The following SLC4A4 variants were observed in gnomAD, a reference collection of about 807,000 sequenced individuals.
SLC4A4 encodes the protein solute carrier family 4 member 4.
In SLC4A4, 27 loss-of-function variants were observed where a neutral mutation model predicts 111.5. That is an observed-to-expected ratio of 0.24 (90% CI 0.18 to 0.33). The LOEUF is 0.33. Among genes scored for constraint, SLC4A4 ranks in the 10% least tolerant of loss-of-function variants. The pLI is 1.00. For missense variants in SLC4A4, 909 were observed against 1,315.5 expected (o/e 0.69, Z 4.78); for synonymous variants, 443 against 463.4 (o/e 0.96, Z 0.57).
chr4:71,251,777 T>C (rs2149056518), intron 2 of SLC4A4, among the ~76,000 whole-genome samples: 1 of 152,326 alleles, frequency 6.6e-6, no homozygotes, highest in East Asian at 1.9e-4. Flanking sequence ...CTCTTAAAAT[T>C]TTTTCCACTC....
intron 3 of SLC4A4, among the ~76,000 whole-genome samples, chr4:71,288,886 AT>A (rs1205800269): frequency 6.6e-6 from 1 of 151,950 alleles, no homozygotes; most frequent in Non-Finnish European, 1.5e-5. Flanking sequence ...CCTAATTCTA[AT>A]TTTTTCTTTT....
intron 2 of SLC4A4, among the ~76,000 whole-genome samples, chr4:71,179,385 C>T (rs900338307): frequency 1.9e-4 from 29 of 152,094 alleles, no homozygotes; most frequent in African/African-American, 5.8e-4. Context: ...AAATAAAGGG[C>T]ATTCAATTAG....
At chr4:71,366,692 G>A (rs1056223677) in intron 6 of SLC4A4, among the ~76,000 whole-genome samples, 13 of 152,278 alleles carry the variant, frequency 8.5e-5, no homozygotes, top group Non-Finnish European at 1.5e-4. Flanking sequence ...GCATTGTGTA[G>A]ACAAGGCATA....
chr4:71,158,124 TG>T (rs1744525577), intron 2 of SLC4A4, among the ~76,000 whole-genome samples: 1 of 151,578 alleles, frequency 6.6e-6, no homozygotes, highest in Non-Finnish European at 1.5e-5. Context: ...TGTGTGTGTG[TG>T]TGTGTGTGTG....
chr4:71,421,353 A>G (rs1331057581), intron 7 of SLC4A4, among the ~76,000 whole-genome samples: 1 of 152,196 alleles, frequency 6.6e-6, no homozygotes, highest in Non-Finnish European at 1.5e-5. Flanking sequence ...TGAGTGACCT[A>G]CAAAGAGACT....
chr4:71,542,852 C>T (rs575267850), intron 18 of SLC4A4, among the ~76,000 whole-genome samples: 1 of 152,194 alleles, frequency 6.6e-6, no homozygotes, highest in African/African-American at 2.4e-5. Flanking sequence ...ATAACTTTAC[C>T]TCCAGGGTCT....
At chr4:71,452,256 A>C (rs1184434161) in intron 11 of SLC4A4, among the ~76,000 whole-genome samples, 2 of 152,182 alleles carry the variant, frequency 1.3e-5, no homozygotes, top group African/African-American at 4.8e-5. Flanking sequence ...AGAGAACATA[A>C]AATCTTCTCT....
At chr4:71,344,049 T>C (rs893225127) in intron 4 of SLC4A4, among the ~76,000 whole-genome samples, 27 of 152,264 alleles carry the variant, frequency 1.8e-4, no homozygotes, top group African/African-American at 6.5e-4. Context: ...TCATCTTTCA[T>C]TATTTTTGTC....
chr4:71,295,026 A>G (rs1033710985), intron 3 of SLC4A4, among the ~76,000 whole-genome samples: 1 of 152,218 alleles, frequency 6.6e-6, no homozygotes, highest in Non-Finnish European at 1.5e-5. Context: ...TACTGAAGGC[A>G]TAAGGTATAC....
chr4:71,112,484 G>A (rs534204446), intron 2 of SLC4A4, among the ~76,000 whole-genome samples: 3 of 152,118 alleles, frequency 2.0e-5, no homozygotes, highest in African/African-American at 4.8e-5. Context: ...GAGATGATGG[G>A]ATCTAAAATA....
At chr4:71,090,296 C>A (rs1742347990) in intron 1 of SLC4A4, among the ~76,000 whole-genome samples, 1 of 152,158 alleles carries the variant, frequency 6.6e-6, no homozygotes, top group South Asian at 2.1e-4. Flanking sequence ...TCATCTGTCA[C>A]CCCTTTCTTT....
chr4:71,129,600 T>G (rs549470070), intron 2 of SLC4A4, among the ~76,000 whole-genome samples: 2 of 152,164 alleles, frequency 1.3e-5, no homozygotes, highest in Admixed American at 6.5e-5. Flanking sequence ...TTCGACCCAG[T>G]AATCCCATTA....
chr4:71,524,677 A>G (rs923885912), intron 16 of SLC4A4, among the ~76,000 whole-genome samples: 5 of 151,898 alleles, frequency 3.3e-5, no homozygotes, highest in Non-Finnish European at 7.4e-5. Context: ...GCTTTATAGC[A>G]TTGGCTACTG....
At chr4:71,374,423 T>C (rs1035277902) in intron 6 of SLC4A4, among the ~76,000 whole-genome samples, 1 of 152,236 alleles carries the variant, frequency 6.6e-6, no homozygotes, top group Non-Finnish European at 1.5e-5. Flanking sequence ...CAACCTGATG[T>C]CTATGTTCAG....
chr4:71,296,566 G>A (rs1724811409), intron 3 of SLC4A4, among the ~76,000 whole-genome samples: 1 of 152,042 alleles, frequency 6.6e-6, no homozygotes, highest in Non-Finnish European at 1.5e-5. Context: ...TTTATACATG[G>A]TAGACTAAAT....
At chr4:71,101,815 T>C (rs1025670884) in intron 2 of SLC4A4, among the ~76,000 whole-genome samples, 17 of 151,524 alleles carry the variant, frequency 1.1e-4, no homozygotes, top group African/African-American at 4.1e-4. Flanking sequence ...ACCACAAAGA[T>C]GGGGAAAAAA....
intron 7 of SLC4A4, among the ~76,000 whole-genome samples, chr4:71,440,081 T>C (rs1253218010): frequency 6.6e-6 from 1 of 152,116 alleles, no homozygotes; most frequent in African/African-American, 2.4e-5. Flanking sequence ...GCTTGTATCT[T>C]TACTCCAGTG....
At chr4:71,151,751 T>A (rs1363393245) in intron 2 of SLC4A4, among the ~76,000 whole-genome samples, 4 of 139,144 alleles carry the variant, frequency 2.9e-5, no homozygotes, top group Non-Finnish European at 6.0e-5. Flanking sequence ...AGATCCCATT[T>A]CTACTAAAAA....
intron 2 of SLC4A4, among the ~76,000 whole-genome samples, chr4:71,106,403 G>C (rs12508495): frequency 0.94 from 139,272 of 148,022 alleles, 65,810 homozygotes; most frequent in East Asian, 1. Context: ...TACCATTTGA[G>C]CCAGCCATCC....
Sources: gnomAD v4.1 joint callset for allele counts (sites outside exome capture counted in the v4.1 genomes callset) on GRCh38, gnomAD v4.1.1 for gene constraint, MANE v1.5 for transcripts, NCBI Gene and HGNC (gene_info 2026-07-23, HGNC 2026-07-21) for gene names.